NRXN3: variants seen among roughly 807,000 people sequenced by gnomAD.
NRXN3 encodes the protein neurexin III.
In NRXN3, 32 loss-of-function variants were observed where a neutral mutation model predicts 137.6. The ratio of observed to expected loss-of-function variants is 0.23; its 90% CI spans 0.18 to 0.31. The LOEUF (loss-of-function observed/expected upper bound fraction) is 0.31. Ranked by LOEUF, NRXN3 falls within the 10% of genes least tolerant of loss-of-function variation. NRXN3 has a pLI of 1.00. For synonymous variants in NRXN3, 798 were observed against 784.5 expected (o/e 1.02, Z -0.29); for missense variants, 1,574 against 2,062.5 (o/e 0.76, Z 4.59).
chr14:78,366,153 G>T (rs2085910218), intron 4 of NRXN3, among the ~76,000 whole-genome samples: 1 of 152,172 alleles, frequency 6.6e-6, no homozygotes, highest in African/African-American at 2.4e-5. Flanking sequence ...TAAACATAAA[G>T]TACTTAGTAC....
At chr14:78,387,282 AT>A (rs1270740019) in intron 4 of NRXN3, among the ~76,000 whole-genome samples, 1 of 152,132 alleles carries the variant, frequency 6.6e-6, no homozygotes, top group Non-Finnish European at 1.5e-5. Flanking sequence ...AAAGTATTTG[AT>A]TTTTTTGGGT....
chr14:79,139,197 G>C (rs1217302617), intron 15 of NRXN3, among the ~76,000 whole-genome samples: 1 of 152,182 alleles, frequency 6.6e-6, no homozygotes, highest in East Asian at 1.9e-4. Context: ...TTGAATGGTG[G>C]GTGTGTGATG....
intron 7 of NRXN3, 132 bp from the exon 8 acceptor site, chr14:78,714,624 A>G: frequency 9.7e-7 from 1 of 1,030,788 alleles, no homozygotes; most frequent in South Asian, 1.5e-5. Flanking sequence ...ATTGTCTTGT[A>G]ACATCTAATT....
rs2154029684 is a variant in NRXN3, at chr14:79,698,058, T to C, written c.4014+121T>C. The C allele has an allele frequency of 2.3e-6, 2 of 884,406 alleles. 1 individual carries two copies. Among genetic ancestry groups the C allele is most frequent in the Non-Finnish European group, 3.4e-6 (2 of 589,664 alleles). The allele number at this position is 884,406 out of a possible 1,614,324, so 54.8% of individuals were successfully genotyped here. On this transcript the variant is annotated intron_variant, in intron 19 of 20. Transcript: ENST00000335750. ...ACTATGTAAGAAGGATGCTGGCAGATACTCATAGTAATGAGACCCAGGAGA... is the reference window on the plus strand; with the variant it reads ...ACTATGTAAGAAGGATGCTGGCAGACACTCATAGTAATGAGACCCAGGAGA...
intron 6 of NRXN3, among the ~76,000 whole-genome samples, chr14:78,654,801 T>C (rs533518832): frequency 1.3e-5 from 2 of 152,332 alleles, no homozygotes; most frequent in South Asian, 4.1e-4. Flanking sequence ...ACTTAGTGGC[T>C]CTCAGTCAAT....
At chr14:78,263,046 G>A (rs2071040583) in intron 2 of NRXN3, among the ~76,000 whole-genome samples, 1 of 32,884 alleles carries the variant, frequency 3.0e-5, no homozygotes, top group Non-Finnish European at 5.6e-5. Flanking sequence ...TTTTGGTGAA[G>A]TCACTTTTTT....
chr14:78,223,637 C>T (rs186447520), intron 1 of NRXN3, among the ~76,000 whole-genome samples: 4 of 152,244 alleles, frequency 2.6e-5, no homozygotes, highest in African/African-American at 4.8e-5. Context: ...TACTTTGGTC[C>T]ACTATCCCCA....
At chr14:78,778,711 TTTC>T in intron 8 of NRXN3, among the ~76,000 whole-genome samples, 1 of 149,382 alleles carries the variant, frequency 6.7e-6, no homozygotes, top group Admixed American at 6.7e-5. Flanking sequence ...TCTTTCTTTC[TTTC>T]TTTCTTTCTT....
At chr14:78,212,793 G>A (rs1387685280) in intron 1 of NRXN3, among the ~76,000 whole-genome samples, 1 of 152,146 alleles carries the variant, frequency 6.6e-6, no homozygotes, top group African/African-American at 2.4e-5. Flanking sequence ...AAGTCCCCTG[G>A]TAGCAGTTTT....
chr14:79,686,119 C>A (rs1335490633), intron 17 of NRXN3, among the ~76,000 whole-genome samples: 1 of 152,014 alleles, frequency 6.6e-6, no homozygotes, highest in Non-Finnish European at 1.5e-5. Flanking sequence ...CAGTGAAACC[C>A]CATCTCTCCT....
chr14:78,439,481 T>C (rs1476605450), intron 4 of NRXN3, among the ~76,000 whole-genome samples: 1 of 152,192 alleles, frequency 6.6e-6, no homozygotes, highest in East Asian at 1.9e-4. Flanking sequence ...CAAATGTAAT[T>C]GGCATACCCA....
chr14:78,966,008 A>T lies in NRXN3; in HGVS notation c.2396-17A>T, dbSNP rs1221799990. On this transcript the variant is annotated splice_polypyrimidine_tract_variant and intron_variant, in intron 11 of 20. Transcript: ENST00000335750. ...ATGGTAACTTTTCTGTTTGTACCTC[A>T]TTTACAATTTTCACAGGTACAATGG... The T allele has an allele frequency of 6.2e-7, 1 of 1,607,580 alleles. No homozygotes were observed. Among genetic ancestry groups the T allele is most frequent in the South Asian group, 1.1e-5 (1 of 90,414 alleles).
chr14:78,902,317 T>C (rs1011039059), intron 10 of NRXN3, among the ~76,000 whole-genome samples: 1 of 152,142 alleles, frequency 6.6e-6, no homozygotes, highest in Non-Finnish European at 1.5e-5. Context: ...ATTTCTAATT[T>C]ATGTTTTAAC....
intron 4 of NRXN3, among the ~76,000 whole-genome samples, chr14:78,598,019 C>G (rs2097171914): frequency 1.3e-5 from 2 of 152,228 alleles, no homozygotes; most frequent in Non-Finnish European, 2.9e-5. Context: ...TGCTTCACAG[C>G]TCTGGGCCAC....
intron 15 of NRXN3, among the ~76,000 whole-genome samples, chr14:79,301,012 G>T (rs1405056826): frequency 6.6e-6 from 1 of 152,070 alleles, no homozygotes; most frequent in Non-Finnish European, 1.5e-5. Context: ...TCTTGCCTTT[G>T]CTCCACAAGC....
At chr14:79,351,202 A>T (rs1191694809) in intron 15 of NRXN3, among the ~76,000 whole-genome samples, 1 of 152,210 alleles carries the variant, frequency 6.6e-6, no homozygotes, top group Non-Finnish European at 1.5e-5. Flanking sequence ...GTTATAATAA[A>T]TCCCTTCCAG....
chr14:79,516,764 AT>A (rs2096989405), intron 16 of NRXN3, among the ~76,000 whole-genome samples: 1 of 152,206 alleles, frequency 6.6e-6, no homozygotes, highest in Non-Finnish European at 1.5e-5. Flanking sequence ...CATACTGTAT[AT>A]ATAATTCTGC....
intron 3 of NRXN3, among the ~76,000 whole-genome samples, chr14:78,293,957 C>A (rs2076054940): frequency 6.6e-6 from 1 of 152,226 alleles, no homozygotes; most frequent in South Asian, 2.1e-4. Flanking sequence ...ACTTTATGAT[C>A]CTGGTAGCCC....
rs145793763 is a variant in NRXN3 at position 79,341,452 on chromosome 14, G to A, written c.3263-125769G>A. 2.4e-3 allele frequency among the ~76,000 whole-genome samples: 368 copies of A among 152,284 alleles called. 3 individuals carry two copies. The highest frequency in any genetic ancestry group is 8.6e-3 in the African/African-American group (357 of 41,554). On this transcript the variant is annotated intron_variant, in intron 15 of 20. Transcript: ENST00000335750. ...AGTAGCAGCACCTACCAGCTTGTTA[G>A]AAATGCAGAGTCTCAGGCCCCACTT...
Sources: gnomAD v4.1 joint callset for allele counts (sites outside exome capture counted in the v4.1 genomes callset) on GRCh38, gnomAD v4.1.1 for gene constraint, MANE v1.5 for transcripts, NCBI Gene and HGNC (gene_info 2026-07-23, HGNC 2026-07-21) for gene names.